RGS5: variants seen among roughly 807,000 people sequenced by gnomAD.
RGS5 encodes the protein regulator of G-protein signalling 5.
Under a neutral mutation model 18.9 loss-of-function variants are expected in RGS5, and 20 were observed. The ratio of observed to expected loss-of-function variants is 1.06; its 90% CI spans 0.74 to 1.54. RGS5 has a LOEUF of 1.54. RGS5 is among the 40% of genes most tolerant of loss of function. The pLI is 0.00. For missense variants in RGS5, 201 were observed against 211.8 expected (o/e 0.95, Z 0.32); for synonymous variants, 57 against 76.2 (o/e 0.75, Z 1.31).
Position 163,321,621 on chromosome 1 carries a change from C to G in RGS5, c.-378+1G>C, listed in dbSNP as rs1650213496. On this transcript the variant is annotated splice_donor_variant, in intron 1 of 5. Coordinates refer to the RGS5 transcript ENST00000618415. LOFTEE classifies it low-confidence loss of function (5UTR_SPLICE). ...TATTACTCTGGAATTCTATAAATTA[C>G]CTCTGTACTTCCTCCCTTGTCACCC... The G allele has an allele frequency of 6.6e-6, 1 of 152,176 alleles. No homozygotes were observed. Among genetic ancestry groups the G allele is most frequent in the African/African-American group, 2.4e-5 (1 of 41,436 alleles). The allele number at this position is 152,176 out of a possible 1,614,324, so 9.4% of individuals were successfully genotyped here.
intron 2 of RGS5, among the ~76,000 whole-genome samples, chr1:163,252,952 A>C (rs1648153433): frequency 6.6e-6 from 1 of 152,140 alleles, no homozygotes; most frequent in Admixed American, 6.6e-5. Context: ...AACATCCTGT[A>C]ATTCTAACTC....
intron 1 of RGS5, among the ~76,000 whole-genome samples, chr1:163,169,220 C>T (rs1571232680): frequency 6.6e-6 from 1 of 152,020 alleles, no homozygotes; most frequent in Non-Finnish European, 1.5e-5. Flanking sequence ...GCATAGTATT[C>T]CATGGTGTAT....
chr1:163,278,232 C>T (rs1648905538), intron 2 of RGS5, among the ~76,000 whole-genome samples: 1 of 151,888 alleles, frequency 6.6e-6, no homozygotes, highest in Admixed American at 6.6e-5. Context: ...AAGTCAAAGA[C>T]AAAGATAAAA....
intron 1 of RGS5, among the ~76,000 whole-genome samples, chr1:163,178,306 T>C (rs748816114): frequency 6.6e-6 from 1 of 151,414 alleles, no homozygotes; most frequent in Non-Finnish European, 1.5e-5. Context: ...AGGGAGACTC[T>C]GTCTCAAAAG....
At chr1:163,223,058 TG>T (rs111487332) in intron 2 of RGS5, among the ~76,000 whole-genome samples, 24,531 of 151,916 alleles carry the variant, frequency 0.16, 3,463 homozygotes, top group African/African-American at 0.39. Context: ...TTGGTCAGGC[TG>T]GTCTCAAACT....
chr1:163,216,102 CAG>C (rs377625691), intron 1 of RGS5, among the ~76,000 whole-genome samples: 3 of 152,154 alleles, frequency 2.0e-5, no homozygotes, highest in African/African-American at 7.2e-5. Flanking sequence ...AGGTTAGAAA[CAG>C]TGTTTAAAAC....
intron 2 of RGS5, among the ~76,000 whole-genome samples, chr1:163,291,424 C>T (rs1176570448): frequency 2.0e-5 from 3 of 152,064 alleles, no homozygotes; most frequent in African/African-American, 7.2e-5. Context: ...AACTCAACCA[C>T]CTTTGTGAAG....
In RGS5 at chr1:163,265,349, T is replaced by A. The variant is rs114129354; in HGVS notation, c.-281+40884A>T. 2.2e-3 allele frequency among the ~76,000 whole-genome samples: 332 copies of A among 152,220 alleles called. 1 individual carries two copies. Among genetic ancestry groups the A allele is most frequent in the African/African-American group, 7.8e-3 (326 of 41,556 alleles). On this transcript the variant is annotated intron_variant, in intron 2 of 5. Transcript: ENST00000618415. ...TATTCATCCCCACTATTTTCATTTC[T>A]ATATCAAAGGAAGAGGTTTCTCTTT...
At chr1:163,149,805 T>G (rs539286715) in intron 4 of RGS5, among the ~76,000 whole-genome samples, 2 of 152,132 alleles carry the variant, frequency 1.3e-5, no homozygotes, top group Non-Finnish European at 2.9e-5. Context: ...AGGTCTTATA[T>G]AGGTCAATTT....
intron 1 of RGS5, among the ~76,000 whole-genome samples, chr1:163,197,979 A>C (rs1000483355): frequency 6.6e-6 from 1 of 152,052 alleles, no homozygotes; most frequent in African/African-American, 2.4e-5. Context: ...AATCCTGAAA[A>C]CCCAGGAACC....
chr1:163,152,345 A>C (rs1260769855), intron 4 of RGS5: 1 of 453,630 alleles, frequency 2.2e-6, no homozygotes, highest in Non-Finnish European at 3.9e-6. Context: ...GAGACCCATA[A>C]AACTAGAAAG....
chr1:163,222,798 A>C (rs1439693780), intron 2 of RGS5, among the ~76,000 whole-genome samples: 4 of 151,858 alleles, frequency 2.6e-5, no homozygotes, highest in Admixed American at 2.6e-4. Context: ...GGCCAACAGA[A>C]CTGTAGTTTT....
At chr1:163,311,865 G>C (rs1419719600) in intron 1 of RGS5, among the ~76,000 whole-genome samples, 28 of 152,214 alleles carry the variant, frequency 1.8e-4, no homozygotes, top group Admixed American at 1.8e-3. Flanking sequence ...CAATGGCACT[G>C]ACAGACTTGC....
At chr1:163,313,997 ATATGTGTG>A (rs377144439) in intron 1 of RGS5, among the ~76,000 whole-genome samples, 18,201 of 149,514 alleles carry the variant, frequency 0.12, 2,859 homozygotes, top group African/African-American at 0.37. Context: ...AATAAGATAT[ATATGTGTG>A]TGTGTGTGTG....
At chr1:163,208,209 G>A (rs2662773) in intron 1 of RGS5, among the ~76,000 whole-genome samples, 102,835 of 151,154 alleles carry the variant, frequency 0.68, 36,654 homozygotes, top group African/African-American at 0.89. Context: ...TTAGCCGGGC[G>A]TGGTGGCGGG....
chr1:163,228,165 G>A (rs1435264486), intron 2 of RGS5, among the ~76,000 whole-genome samples: 6 of 152,230 alleles, frequency 3.9e-5, no homozygotes, highest in African/African-American at 1.4e-4. Flanking sequence ...GTGGGACTCT[G>A]TGTGGGGTCT....
At chr1:163,195,123 C>T (rs1043733058) in intron 1 of RGS5, among the ~76,000 whole-genome samples, 1 of 152,152 alleles carries the variant, frequency 6.6e-6, no homozygotes, top group Non-Finnish European at 1.5e-5. Context: ...TATATGAAGA[C>T]ATATGCACAC....
intron 4 of RGS5, among the ~76,000 whole-genome samples, chr1:163,147,912 C>CTTTTTCTTTTTTTTCT (rs1553211787): frequency 4.9e-5 from 5 of 101,930 alleles, no homozygotes; most frequent in African/African-American, 2.0e-4. Context: ...GTGCTTTTTT[C>CTTTTTCTTTTTTTTCT]TTTTTCTTTT....
chr1:163,230,530 T>C (rs1298664749), intron 2 of RGS5, among the ~76,000 whole-genome samples: 1 of 152,218 alleles, frequency 6.6e-6, no homozygotes, highest in Non-Finnish European at 1.5e-5. Context: ...TTCATCTTTA[T>C]TGACTCTCCC....
Sources: gnomAD v4.1 joint callset for allele counts (sites outside exome capture counted in the v4.1 genomes callset) on GRCh38, gnomAD v4.1.1 for gene constraint, MANE v1.5 for transcripts, NCBI Gene and HGNC (gene_info 2026-07-23, HGNC 2026-07-21) for gene names.